TM4SF4: variants seen among roughly 807,000 people sequenced by gnomAD.
TM4SF4 encodes transmembrane 4 L6 family member 4.
A neutral mutation model predicts 24.1 loss-of-function variants in TM4SF4; 24 were observed. That is an observed-to-expected ratio of 1.00 (90% CI 0.72 to 1.40). The LOEUF (loss-of-function observed/expected upper bound fraction) is 1.40, where lower values mean the gene tolerates loss of function less well. Ranked by LOEUF, TM4SF4 falls within the 40% of genes most tolerant of loss-of-function variation. The probability of loss-of-function intolerance (pLI) is 0.00; values close to 1 mark genes in which losing one functional copy is unlikely to be tolerated. For synonymous variants in TM4SF4, 113 were observed against 97.0 expected, an observed-to-expected ratio of 1.17 and a Z score of -0.97; for missense variants, 254 against 254.2, an observed-to-expected ratio of 1.00 and a Z score of 0.01.
chr3:149,475,922 C>A lies in TM4SF4; in HGVS notation c.264+10C>A. On this transcript the variant is annotated intron_variant, in intron 2 of 4. Coordinates refer to ENST00000305354, the MANE Select transcript of TM4SF4 (RefSeq NM_004617.4). ...TGGGAAGCGATTTGCGGTGAGTTAC[C>A]ATGGGGGGCAGCTACTAGAATTACT... The A allele has an allele frequency of 6.9e-6, 11 of 1,605,688 alleles. No homozygotes were observed. Among genetic ancestry groups the A allele is most frequent in the Non-Finnish European group, 9.4e-6 (11 of 1,175,410 alleles).
chr3:149,498,197 G>T (rs1734348057), intron 3 of TM4SF4, among the ~76,000 whole-genome samples: 1 of 152,128 alleles, frequency 6.6e-6, no homozygotes, highest in African/African-American at 2.4e-5. Context: ...TGACACATTT[G>T]TACTTTACAT....
At chr3:149,499,714 A>T (rs1734381192) in intron 4 of TM4SF4, among the ~76,000 whole-genome samples, 9 of 152,150 alleles carry the variant, frequency 5.9e-5, no homozygotes, top group Admixed American at 5.9e-4. Context: ...TTTTATTTAA[A>T]TTTTAAATAA....
intron 2 of TM4SF4, 81 bp downstream of exon 2, chr3:149,475,993 C>A: frequency 8.2e-7 from 1 of 1,215,966 alleles, no homozygotes. Context: ...GGGATGGAGA[C>A]AAGTTATCAG....
At chr3:149,492,720 C>T (rs902566670) in intron 3 of TM4SF4, among the ~76,000 whole-genome samples, 18 of 152,182 alleles carry the variant, frequency 1.2e-4, no homozygotes, top group Admixed American at 6.5e-5. Context: ...GACACCGAGA[C>T]ACTGAACTGA....
intron 3 of TM4SF4, among the ~76,000 whole-genome samples, chr3:149,490,899 C>G (rs1560031707): frequency 1.3e-5 from 2 of 152,162 alleles, no homozygotes; most frequent in East Asian, 1.9e-4. Flanking sequence ...ACTGCTTCTT[C>G]TTCTTGTTCT....
chr3:149,476,802 G>GTTTTT (rs1733937329), intron 2 of TM4SF4, among the ~76,000 whole-genome samples: 1 of 51,604 alleles, frequency 1.9e-5, no homozygotes, highest in African/African-American at 5.3e-5. Flanking sequence ...GTTTTTTTTT[G>GTTTTT]TTTTTGTTTT....
At chr3:149,495,477 TC>T in intron 3 of TM4SF4, 1 of 427,144 alleles carries the variant, frequency 2.3e-6, no homozygotes, top group Non-Finnish European at 4.6e-6. Flanking sequence ...TCACCTTTGC[TC>T]CAGTCAACGT....
intron 2 of TM4SF4, among the ~76,000 whole-genome samples, chr3:149,482,781 C>T (rs755063747): frequency 4.6e-5 from 7 of 152,144 alleles, no homozygotes; most frequent in Middle Eastern, 3.2e-3. Flanking sequence ...TGGGCTCAAG[C>T]GGTCTGCCAG....
At chr3:149,484,582 C>T (rs1343319051) in intron 2 of TM4SF4, among the ~76,000 whole-genome samples, 1 of 146,836 alleles carries the variant, frequency 6.8e-6, no homozygotes, top group Non-Finnish European at 1.5e-5. Context: ...GGCGGAGTCT[C>T]GTTCTGTTGC....
intron 2 of TM4SF4, among the ~76,000 whole-genome samples, chr3:149,479,901 A>G (rs1381351687): frequency 6.6e-6 from 1 of 152,192 alleles, no homozygotes; most frequent in Admixed American, 6.5e-5. Flanking sequence ...TTCCTCGGGT[A>G]GCAAAACCAA....
At chr3:149,487,872 G>C (rs753125882) in intron 3 of TM4SF4, 117 bp downstream of exon 3, 36 of 1,410,476 alleles carry the variant, frequency 2.6e-5, no homozygotes, top group Non-Finnish European at 3.5e-5. Flanking sequence ...CCTCAGGCTC[G>C]GTGCTCCTTT....
At chr3:149,484,279 A>C (rs1240908147) in intron 2 of TM4SF4, among the ~76,000 whole-genome samples, 1 of 152,222 alleles carries the variant, frequency 6.6e-6, no homozygotes, top group Non-Finnish European at 1.5e-5. Flanking sequence ...AATTCTCATA[A>C]GACAAAGACA....
Position 149,474,898 on chromosome 3 carries a change from C to T in TM4SF4, c.21C>T (p.Ala7=). 1 of 1,613,780 alleles carries T rather than the reference C, an allele frequency of 6.2e-7. No homozygotes were observed. The part of the protein sequence containing the change: MCTGGC[A]RCLGGTLIPL... ...CCAGAATGTGCACTGGGGGCTGTGC[C>T]AGATGCCTGGGGGGGACCCTCATTC... is the stretch of plus-strand genomic sequence containing the variant. Residue 7 remains alanine (A), a synonymous_variant, in exon 1 of 5, where the codon GCC becomes GCT. Coordinates refer to ENST00000305354, the MANE Select transcript of TM4SF4 (RefSeq NM_004617.4).
chr3:149,476,792 GTTTTT>G (rs1222196664), intron 2 of TM4SF4, among the ~76,000 whole-genome samples: 3 of 102,854 alleles, frequency 2.9e-5, no homozygotes, highest in Non-Finnish European at 6.7e-5. Flanking sequence ...TTTCTTTTCT[GTTTTT>G]TTTTGTTTTT....
intron 3 of TM4SF4, among the ~76,000 whole-genome samples, chr3:149,497,947 A>C (rs1206882163): frequency 6.6e-6 from 1 of 152,168 alleles, no homozygotes; most frequent in Non-Finnish European, 1.5e-5. Context: ...GCCCGGCCAC[A>C]ATGCCCTTTA....
intron 2 of TM4SF4, among the ~76,000 whole-genome samples, chr3:149,480,803 G>A (rs1425818666): frequency 6.6e-6 from 1 of 151,808 alleles, no homozygotes; most frequent in Non-Finnish European, 1.5e-5. Context: ...TTTTCCAGAT[G>A]TTTTCTCCCT....
At chr3:149,498,988 C>A in intron 4 of TM4SF4, 77 bp downstream of exon 4, 2 of 1,485,954 alleles carry the variant, frequency 1.3e-6, no homozygotes, top group Non-Finnish European at 1.9e-6. Context: ...GAGGCCAGGT[C>A]AGGCCACCAG....
Position 149,475,139 on chromosome 3 carries a change from T to C in TM4SF4, c.174+88T>C. ...ATCAGGTACTTATTGAACAGGGAGA[T>C]ATTTAGTTGGTAATAGAAGCTCAAG... is the stretch of plus-strand genomic sequence containing the variant. On this transcript the variant is annotated intron_variant, in intron 1 of 4. Transcript: ENST00000305354. 3 of 1,388,112 alleles carry C rather than the reference T, an allele frequency of 2.2e-6. No homozygotes were observed. In the East Asian group the frequency reaches 7.3e-5, roughly 34 times the overall value. The allele number at this position is 1,388,112 out of a possible 1,614,324, so 86.0% of individuals were successfully genotyped here.
rs373855780 is a variant in TM4SF4, at chr3:149,474,823, G to A, written c.-55G>A. On this transcript the variant is annotated 5_prime_UTR_variant, in exon 1 of 5. In the 5' UTR this introduces an upstream ATG that the reference lacks. Coordinates refer to ENST00000305354, the MANE Select transcript of TM4SF4 (RefSeq NM_004617.4). Reference sequence around the variant, plus strand: ...GGCCAAAAACCCTTGAAGAGGCCCCGTGAAGGAGGCAGTGAGGAGCTTTTG... The same window carrying A: ...GGCCAAAAACCCTTGAAGAGGCCCCATGAAGGAGGCAGTGAGGAGCTTTTG... The A allele has an allele frequency of 1.2e-5, 18 of 1,536,830 alleles. No homozygotes were observed. Among genetic ancestry groups the A allele is most frequent in the Admixed American group, 2.2e-5 (1 of 45,834 alleles).
Sources: gnomAD v4.1 joint callset for allele counts (sites outside exome capture counted in the v4.1 genomes callset) on GRCh38, gnomAD v4.1.1 for gene constraint, MANE v1.5 for transcripts, NCBI Gene and HGNC (gene_info 2026-07-23, HGNC 2026-07-21) for gene names.